ADAMTSL1: variants seen among roughly 807,000 people sequenced by gnomAD.
ADAMTSL1 encodes the protein ADAMTS-like protein 1.
Under a neutral mutation model 201.8 loss-of-function variants are expected in ADAMTSL1, and 126 were observed. That is an observed-to-expected ratio of 0.62 (90% CI 0.54 to 0.72). The LOEUF is 0.72. Among genes scored for constraint, ADAMTSL1 ranks in the 30% least tolerant of loss-of-function variants. ADAMTSL1 has a pLI of 0.00. For synonymous variants in ADAMTSL1, 1,121 were observed against 903.4 expected (o/e 1.24, Z -4.32); for missense variants, 2,679 against 2,277.8 (o/e 1.18, Z -3.59).
intron 2 of ADAMTSL1, among the ~76,000 whole-genome samples, chr9:18,467,930 T>C (rs1462287265): frequency 6.6e-6 from 1 of 152,194 alleles, no homozygotes; most frequent in African/African-American, 2.4e-5. Context: ...CTGGCTCTGG[T>C]ATAATTGTTT....
Position 18,449,172 on chromosome 9 carries a change from G to A in ADAMTSL1, c.208-55657G>A, listed in dbSNP as rs975260166. Among the ~76,000 whole-genome samples, 5 of 151,684 alleles carry A rather than the reference G, an allele frequency of 3.3e-5. No individual in the cohort carries two copies. The East Asian group carries it at 5.8e-4, about 18-fold the overall frequency. On this transcript the variant is annotated intron_variant, in intron 2 of 29. Transcript: ENST00000680146. Reference sequence around the variant, plus strand: ...GGATTTAGGGAGGAATTCTGAAATAGCATAAATTCTTTGAACTTTTTCTGA... The same window carrying A: ...GGATTTAGGGAGGAATTCTGAAATAACATAAATTCTTTGAACTTTTTCTGA...
intron 19 of ADAMTSL1, 140 bp downstream of exon 19, chr9:18,778,046 G>C (rs1036630335): frequency 1.9e-6 from 2 of 1,062,764 alleles, no homozygotes; most frequent in African/African-American, 1.6e-5. Context: ...ATGGGGTGCA[G>C]GCCCTCTCTT....
At chr9:18,061,063 C>A (rs1251487674) in intron 1 of ADAMTSL1, among the ~76,000 whole-genome samples, 2 of 152,092 alleles carry the variant, frequency 1.3e-5, no homozygotes, top group African/African-American at 4.8e-5. Context: ...GTCCTTGTAT[C>A]TTAAGAATGA....
At chr9:18,172,078 C>T (rs200280540) in intron 2 of ADAMTSL1, among the ~76,000 whole-genome samples, 12 of 133,214 alleles carry the variant, frequency 9.0e-5, no homozygotes, top group East Asian at 4.3e-4. Flanking sequence ...AGCTGAACAA[C>T]GAGAACACAT....
In ADAMTSL1 at chr9:18,064,427, A is replaced by G. The variant is rs536763774; in HGVS notation, c.88-99435A>G. Among the ~76,000 whole-genome samples the G allele has an allele frequency of 1.4e-3, 210 of 152,296 alleles. 1 individual carries two copies. Among genetic ancestry groups the G allele is most frequent in the Middle Eastern group, 6.8e-3 (2 of 294 alleles). On this transcript the variant is annotated intron_variant, in intron 1 of 29. Transcript: ENST00000680146. ...CTGGCTGTTTCTTTTGCTATTTACA[A>G]TTTAGGAGTTCTATTTCATTAGAGT... is the stretch of plus-strand genomic sequence containing the variant.
chr9:18,406,750 C>A (rs1818224754), intron 2 of ADAMTSL1, among the ~76,000 whole-genome samples: 1 of 152,108 alleles, frequency 6.6e-6, no homozygotes, highest in Admixed American at 6.6e-5. Context: ...GTATTCTACT[C>A]ATGTTGCTTA....
intron 23 of ADAMTSL1, among the ~76,000 whole-genome samples, chr9:18,871,160 G>A (rs10811053): frequency 0.067 from 10,133 of 152,118 alleles, 436 homozygotes; most frequent in East Asian, 0.19. Flanking sequence ...TCATTCCAAC[G>A]TGAGTCAGAA....
At chr9:18,720,979 A>G (rs479642) in intron 14 of ADAMTSL1, among the ~76,000 whole-genome samples, 123,894 of 151,972 alleles carry the variant, frequency 0.82, 51,581 homozygotes, top group Non-Finnish European at 0.89. Context: ...CTTTGTTCCA[A>G]CTTCCAAGGC....
intron 16 of ADAMTSL1, among the ~76,000 whole-genome samples, chr9:18,760,881 C>T (rs552163462): frequency 1.3e-5 from 2 of 152,326 alleles, no homozygotes; most frequent in East Asian, 3.9e-4. Context: ...TCTAGAGCTT[C>T]CCTAATTTTC....
At chr9:18,902,637 C>T (rs7025133) in intron 26 of ADAMTSL1, among the ~76,000 whole-genome samples, 5,398 of 152,048 alleles carry the variant, frequency 0.036, 299 homozygotes, top group African/African-American at 0.12. Context: ...GCTGTAAATG[C>T]TTACATTAAA....
At chr9:18,170,357 C>T (rs1377676910) in intron 2 of ADAMTSL1, among the ~76,000 whole-genome samples, 1 of 151,960 alleles carries the variant, frequency 6.6e-6, no homozygotes, top group Non-Finnish European at 1.5e-5. Flanking sequence ...TTTCTCAGAA[C>T]AACCTGAGGT....
chr9:18,491,966 G>A (rs1356277771), intron 1 of ADAMTSL1, among the ~76,000 whole-genome samples: 1 of 152,068 alleles, frequency 6.6e-6, no homozygotes, highest in Non-Finnish European at 1.5e-5. Flanking sequence ...AAAATTGTAG[G>A]CTATCATGTT....
At chr9:18,723,276 C>T (rs1312112941) in intron 15 of ADAMTSL1, 2 of 593,190 alleles carry the variant, frequency 3.4e-6, no homozygotes, top group South Asian at 4.0e-5. Context: ...CTAATCATTC[C>T]TGTAATTTCT....
intron 2 of ADAMTSL1, among the ~76,000 whole-genome samples, chr9:18,430,796 T>C (rs892444397): frequency 2.6e-5 from 4 of 152,084 alleles, no homozygotes; most frequent in Admixed American, 6.5e-5. Flanking sequence ...CTGAAGGAGA[T>C]TGAATGAGAG....
chr9:18,722,563 T>C (rs1833458383), intron 15 of ADAMTSL1, among the ~76,000 whole-genome samples: 1 of 152,206 alleles, frequency 6.6e-6, no homozygotes, highest in Non-Finnish European at 1.5e-5. Context: ...ATGCACTGCT[T>C]GTATTATTTC....
intron 1 of ADAMTSL1, among the ~76,000 whole-genome samples, chr9:18,015,587 T>A (rs775927075): frequency 2.0e-5 from 3 of 152,022 alleles, no homozygotes; most frequent in Admixed American, 6.6e-5. Context: ...TATGACCTAG[T>A]CAGGTGGGTA....
In ADAMTSL1 at chr9:18,721,590, A is replaced by T. The variant is rs1833379030; in HGVS notation, c.1931A>T (p.Glu644Val). The part of the protein sequence containing the change: ...CLNKQTREPA[E>V]ENLCVTSRRP... The stretch of plus-strand genomic sequence containing the variant: ...AACAAACAGACTCGGGAGCCTGCTG[A>T]GGAGAACCTGTGCGTGACCAGCCGC... The change falls in exon 15 of 29, where the codon GAG (glutamate) becomes GTG (valine). Residue 644 changes from glutamate (E) to valine (V), a missense_variant. Glu to Val is a moderately radical substitution (Grantham distance 121). Transcript: ENST00000380548. The T allele has an allele frequency of 6.2e-7, 1 of 1,613,826 alleles. No individual in the cohort carries two copies. The highest frequency in any genetic ancestry group is 1.1e-5 in the South Asian group (1 of 91,086).
chr9:18,865,015 T>C (rs1161281017), intron 23 of ADAMTSL1, among the ~76,000 whole-genome samples: 1 of 152,188 alleles, frequency 6.6e-6, no homozygotes, highest in African/African-American at 2.4e-5. Flanking sequence ...TATTATAACT[T>C]TGAATATTTT....
chr9:18,650,937 G>T (rs1048518800), intron 7 of ADAMTSL1, among the ~76,000 whole-genome samples: 3 of 151,962 alleles, frequency 2.0e-5, no homozygotes, highest in Non-Finnish European at 4.4e-5. Context: ...CCTTTTTGAG[G>T]GATTAAATGA....
Sources: allele counts gnomAD v4.1 joint callset (sites outside exome capture counted in the v4.1 genomes callset), GRCh38; gene constraint gnomAD v4.1.1; transcripts MANE v1.5; gene names NCBI Gene and HGNC (gene_info 2026-07-23, HGNC 2026-07-21).